SKP2: variants seen among roughly 807,000 people sequenced by gnomAD.
SKP2 encodes S-phase kinase-associated protein 2.
A neutral mutation model predicts 51.8 loss-of-function variants in SKP2; 16 were observed. That is an observed-to-expected ratio of 0.31 (90% CI 0.21 to 0.47). The LOEUF (loss-of-function observed/expected upper bound fraction) is 0.47. SKP2 is among the 20% of genes least tolerant of loss of function. The pLI, the probability that SKP2 is intolerant of heterozygous loss-of-function variation, is 1.00. For missense variants in SKP2, 377 were observed against 505.3 expected (o/e 0.75, Z 2.43); for synonymous variants, 176 against 198.6 (o/e 0.89, Z 0.96).
chr5:36,176,405 T>G (rs1019416486), intron 7 of SKP2, among the ~76,000 whole-genome samples: 3 of 151,548 alleles, frequency 2.0e-5, no homozygotes, highest in Non-Finnish European at 4.4e-5. Context: ...ATACCAAGAT[T>G]CAATTAAATA....
At chr5:36,179,461 A>G (rs1385409842) in intron 9 of SKP2, among the ~76,000 whole-genome samples, 1 of 152,190 alleles carries the variant, frequency 6.6e-6, no homozygotes, top group East Asian at 1.9e-4. Context: ...TTTCTTCCCC[A>G]GGACCTATTC....
At position 36,166,643 on chromosome 5, in the gene SKP2, C is replaced by G. The variant is rs1306348293; in HGVS notation, c.517C>G (p.Pro173Ala). Residue 173 changes from proline to alanine, a missense_variant, in exon 4 of 10, where the codon CCA (proline) becomes GCA (alanine). Pro to Ala is a conservative substitution (Grantham distance 27). Around this residue, in one of 2 missense-constraint regions of SKP2, gnomAD observed 262 missense variants for 389.8 expected, o/e 0.67. Transcript: ENST00000274255. ...CTGCCCACGATCATTTATGGACCAA[C>G]CATTGGCTGAACATTTCAGGTAAAG... is the stretch of plus-strand genomic sequence containing the variant. The part of the protein sequence containing the change: ...FRCPRSFMDQ[P>A]LAEHFSPFRV... The G allele has an allele frequency of 6.2e-7, 1 of 1,613,740 alleles. No individual in the cohort carries two copies. The highest frequency in any genetic ancestry group is 1.3e-5 in the African/African-American group (1 of 74,838).
rs757675151 is a variant in SKP2, at chr5:36,152,256, G to A, written c.-7G>A. The A allele has an allele frequency of 7.4e-6, 12 of 1,613,872 alleles. No homozygotes were observed. Among genetic ancestry groups the A allele is most frequent in the African/African-American group, 4.0e-5 (3 of 74,946 alleles). On this transcript the variant is annotated 5_prime_UTR_variant, in exon 1 of 10. Coordinates refer to ENST00000274255, the MANE Select transcript of SKP2 (RefSeq NM_005983.4). ...ACGTATTTTAAACTCCCGGGCCTGC[G>A]GACGCTATGCACAGGTAAACGGATT... is the stretch of plus-strand genomic sequence containing the variant.
In SKP2 at chr5:36,183,600, T is replaced by G; in HGVS notation, c.*1569T>G. 8.8e-7 allele frequency: 1 copy of G among 1,130,426 alleles called. No individual in the cohort carries two copies. The highest frequency in any genetic ancestry group is 4.0e-5 in the South Asian group (1 of 24,804). 70.0% of individuals were successfully genotyped at this position (1,130,426 alleles called of 1,614,324 possible). Reference sequence around the variant, plus strand: ...CTTCTTAAAAATCACAAAAACTAGTTTAAATTGATGACTTGTTCGTATGTT... The same window carrying G: ...CTTCTTAAAAATCACAAAAACTAGTGTAAATTGATGACTTGTTCGTATGTT... On this transcript the variant is annotated 3_prime_UTR_variant, in exon 10 of 10. Coordinates refer to ENST00000274255, the MANE Select transcript of SKP2 (RefSeq NM_005983.4).
chr5:36,157,936 C>T (rs1745004585), intron 2 of SKP2, among the ~76,000 whole-genome samples: 1 of 152,194 alleles, frequency 6.6e-6, no homozygotes, highest in Non-Finnish European at 1.5e-5. Flanking sequence ...AACTCTCCAA[C>T]AAGGCCCTCT....
intron 2 of SKP2, among the ~76,000 whole-genome samples, chr5:36,156,086 A>C (rs1744936416): frequency 6.6e-6 from 1 of 152,194 alleles, no homozygotes; most frequent in Non-Finnish European, 1.5e-5. Context: ...GAAGGGAGAG[A>C]GAAAGAATGG....
rs1745853442 is a variant in SKP2 at position 36,182,842 on chromosome 5, T to A, written c.*811T>A. 5 of 984,658 alleles carry A rather than the reference T, an allele frequency of 5.1e-6. No homozygotes were observed. Among genetic ancestry groups the A allele is most frequent in the Non-Finnish European group, 6.0e-6 (5 of 829,332 alleles). The allele number at this position is 984,658 out of a possible 1,614,324, so 61.0% of individuals were successfully genotyped here. The stretch of plus-strand genomic sequence containing the variant: ...AACATGGGTCCTTTAGCTTTTAAAA[T>A]GACTTGCTTTGTTTTAGAAAGGTGG... On this transcript the variant is annotated 3_prime_UTR_variant, in exon 10 of 10. Transcript: ENST00000274255.
chr5:36,187,563 C>T (rs925304297), downstream of SKP2, among the ~76,000 whole-genome samples: 2 of 152,148 alleles, frequency 1.3e-5, no homozygotes, highest in Admixed American at 1.3e-4. Context: ...TTTCTTAATC[C>T]TGAGTTCTAG....
downstream of SKP2, among the ~76,000 whole-genome samples, chr5:36,186,370 TATG>T (rs1185370286): frequency 6.6e-6 from 1 of 152,228 alleles, no homozygotes; most frequent in Non-Finnish European, 1.5e-5. Flanking sequence ...GCCCATTCAG[TATG>T]ATATTGGCTG....
intron 2 of SKP2, among the ~76,000 whole-genome samples, chr5:36,161,860 G>A (rs1015100479): frequency 6.6e-6 from 1 of 152,212 alleles, no homozygotes; most frequent in Non-Finnish European, 1.5e-5. Context: ...TGGTGTAGAA[G>A]ATCCATCAGA....
chr5:36,176,782 C>T (rs1378642516), intron 7 of SKP2, among the ~76,000 whole-genome samples, 183 bp from the exon 8 acceptor site: 2 of 151,842 alleles, frequency 1.3e-5, no homozygotes, highest in East Asian at 1.9e-4. Flanking sequence ...GGATGATTCT[C>T]TTGGGCTTTT....
At chr5:36,152,493 A>G (rs1287908011) in intron 1 of SKP2, among the ~76,000 whole-genome samples, 2 of 152,138 alleles carry the variant, frequency 1.3e-5, no homozygotes, top group African/African-American at 4.8e-5. Flanking sequence ...ACCGTTTTCA[A>G]TCAGTGTATG....
At chr5:36,160,179 G>A (rs1011278066) in intron 2 of SKP2, among the ~76,000 whole-genome samples, 1 of 152,212 alleles carries the variant, frequency 6.6e-6, no homozygotes, top group Non-Finnish European at 1.5e-5. Context: ...CCAGGATTCT[G>A]ATAGAAACTG....
chr5:36,158,861 A>G (rs1269859627), intron 2 of SKP2, among the ~76,000 whole-genome samples: 1 of 152,196 alleles, frequency 6.6e-6, no homozygotes, highest in Non-Finnish European at 1.5e-5. Flanking sequence ...GACTACAGCT[A>G]TACTGATAGA....
In SKP2 at chr5:36,182,475, A is replaced by G; in HGVS notation, c.*444A>G. ...AGAAGAACAATAAGCTATTTGTATTATGAGCTGAACAAAAAGAGAATCATA... is the reference window on the plus strand; with the variant it reads ...AGAAGAACAATAAGCTATTTGTATTGTGAGCTGAACAAAAAGAGAATCATA... On this transcript the variant is annotated 3_prime_UTR_variant, in exon 10 of 10. Coordinates refer to ENST00000274255, the MANE Select transcript of SKP2 (RefSeq NM_005983.4). 1.0e-6 allele frequency: 1 copy of G among 989,128 alleles called. No homozygotes were observed. The highest frequency in any genetic ancestry group is 1.2e-6 in the Non-Finnish European group (1 of 831,970). 61.3% of individuals were successfully genotyped at this position (989,128 alleles called of 1,614,324 possible).
intron 6 of SKP2, among the ~76,000 whole-genome samples, chr5:36,192,047 TATTCAG>T (rs1746036757): frequency 6.6e-6 from 1 of 152,190 alleles, no homozygotes; most frequent in South Asian, 2.1e-4. Context: ...ATATTTAAGG[TATTCAG>T]ATTAACACTT....
intron 4 of SKP2, 107 bp downstream of exon 4, chr5:36,166,769 G>T (rs1045042361): frequency 1.0e-6 from 1 of 978,276 alleles, no homozygotes; most frequent in Non-Finnish European, 1.5e-6. Flanking sequence ...CCTATGGTAG[G>T]TTATCTGTGC....
At chr5:36,154,415 C>G (rs771994656) in intron 2 of SKP2, among the ~76,000 whole-genome samples, 57 of 152,258 alleles carry the variant, frequency 3.7e-4, no homozygotes, top group Non-Finnish European at 6.9e-4. Flanking sequence ...CGGGGGAGAT[C>G]AGGCTGGAGG....
At chr5:36,177,846 C>T (rs936502503) in intron 9 of SKP2, among the ~76,000 whole-genome samples, 3 of 152,132 alleles carry the variant, frequency 2.0e-5, no homozygotes, top group African/African-American at 7.2e-5. Context: ...AGTGAAGTGA[C>T]TTATTCAAAC....
Sources: gnomAD v4.1 joint callset for allele counts (sites outside exome capture counted in the v4.1 genomes callset) on GRCh38, gnomAD v4.1.1 for gene constraint, gnomAD v4.1.1 regional missense constraint, MANE v1.5 for transcripts, NCBI Gene and HGNC (gene_info 2026-07-23, HGNC 2026-07-21) for gene names.